The following MAML2 variants were observed in gnomAD, a reference collection of about 807,000 sequenced individuals.
MAML2 encodes the protein mastermind like transcriptional coactivator 2, also known as mastermind-like protein 2.
A neutral mutation model predicts 96.1 loss-of-function variants in MAML2; 22 were observed. The observed-to-expected ratio is 0.23, with a 90% CI of 0.16 to 0.33. The LOEUF (loss-of-function observed/expected upper bound fraction) is 0.33. Among genes scored for constraint, MAML2 ranks in the 10% least tolerant of loss-of-function variants. MAML2 has a pLI of 1.00. For missense variants in MAML2, 1,367 were observed against 1,392.4 expected, an observed-to-expected ratio of 0.98 and a Z score of 0.29; for synonymous variants, 561 against 521.3, an observed-to-expected ratio of 1.08 and a Z score of -1.04.
chr11:96,167,709 T>G (rs1861216018), intron 1 of MAML2, among the ~76,000 whole-genome samples: 1 of 152,358 alleles, frequency 6.6e-6, no homozygotes, highest in South Asian at 2.1e-4. Context: ...CCAGCTGCAA[T>G]GAATCATCTC....
intron 1 of MAML2, among the ~76,000 whole-genome samples, chr11:96,285,680 C>A (rs1863128871): frequency 6.6e-6 from 1 of 152,060 alleles, no homozygotes; most frequent in Non-Finnish European, 1.5e-5. Flanking sequence ...AACAGACACT[C>A]CTCAGATGAA....
At chr11:96,216,038 TAA>T (rs71459795) in intron 1 of MAML2, among the ~76,000 whole-genome samples, 21 of 150,070 alleles carry the variant, frequency 1.4e-4, no homozygotes, top group African/African-American at 4.4e-4. Context: ...TCAATTTGCT[TAA>T]AAAAAAAATA....
intron 1 of MAML2, among the ~76,000 whole-genome samples, chr11:96,251,619 G>A (rs920945351): frequency 3.9e-5 from 6 of 152,080 alleles, no homozygotes; most frequent in Admixed American, 6.6e-5. Flanking sequence ...GGAATAATAA[G>A]CAGTGATTAT....
intron 1 of MAML2, among the ~76,000 whole-genome samples, chr11:96,168,030 C>G (rs1244648654): frequency 6.6e-6 from 1 of 152,190 alleles, no homozygotes; most frequent in Non-Finnish European, 1.5e-5. Flanking sequence ...AAGTCTTATT[C>G]CTCTCCAGCT....
intron 2 of MAML2, among the ~76,000 whole-genome samples, chr11:96,056,673 A>G (rs1193262739): frequency 1.3e-5 from 2 of 152,226 alleles, no homozygotes; most frequent in African/African-American, 4.8e-5. Flanking sequence ...TACAGTATCA[A>G]TAAAATGTAC....
chr11:96,104,623 G>A (rs1306965301), intron 1 of MAML2, among the ~76,000 whole-genome samples: 3 of 152,128 alleles, frequency 2.0e-5, no homozygotes, highest in Non-Finnish European at 4.4e-5. Flanking sequence ...ATCCAGAACT[G>A]AAACAAGGTC....
At chr11:96,155,314 A>G (rs1023636754) in intron 1 of MAML2, among the ~76,000 whole-genome samples, 6 of 151,728 alleles carry the variant, frequency 4.0e-5, no homozygotes, top group Non-Finnish European at 7.4e-5. Context: ...TGAGATTCCC[A>G]TAAAGGAAGT....
At chr11:96,129,575 G>A (rs1860511030) in intron 1 of MAML2, among the ~76,000 whole-genome samples, 2 of 152,014 alleles carry the variant, frequency 1.3e-5, no homozygotes, top group East Asian at 3.9e-4. Context: ...GGAGGGGTGG[G>A]TAGTGGGACA....
At chr11:96,007,931 A>T (rs1858210265) in intron 2 of MAML2, among the ~76,000 whole-genome samples, 1 of 150,214 alleles carries the variant, frequency 6.7e-6, no homozygotes, top group African/African-American at 2.5e-5. Flanking sequence ...ATGCTAGATG[A>T]CGAGTTAGTG....
intron 1 of MAML2, among the ~76,000 whole-genome samples, chr11:96,332,167 C>T (rs1408693256): frequency 6.6e-6 from 1 of 152,096 alleles, no homozygotes; most frequent in Non-Finnish European, 1.5e-5. Context: ...AGCATTGTAC[C>T]AAGGATTAAA....
At chr11:96,156,867 A>G (rs1861018675) in intron 1 of MAML2, among the ~76,000 whole-genome samples, 1 of 152,224 alleles carries the variant, frequency 6.6e-6, no homozygotes. Context: ...TAGTATTATG[A>G]AGCAATAAAA....
intron 2 of MAML2, among the ~76,000 whole-genome samples, chr11:96,071,826 G>A (rs995263976): frequency 4.6e-5 from 7 of 152,070 alleles, no homozygotes; most frequent in Admixed American, 1.3e-4. Flanking sequence ...AACATAGAGG[G>A]ATACATTAAA....
At chr11:96,173,553 C>T (rs1043111778) in intron 1 of MAML2, among the ~76,000 whole-genome samples, 2 of 152,148 alleles carry the variant, frequency 1.3e-5, no homozygotes, top group Non-Finnish European at 2.9e-5. Flanking sequence ...CTTTATGGGT[C>T]ATCCACCTCT....
chr11:96,209,529 T>G (rs1011283413), intron 1 of MAML2, among the ~76,000 whole-genome samples: 29 of 152,110 alleles, frequency 1.9e-4, no homozygotes, highest in African/African-American at 5.8e-4. Flanking sequence ...GAGCGGAGAT[T>G]GGCGCCACTG....
intron 3 of MAML2, among the ~76,000 whole-genome samples, chr11:95,988,680 G>C (rs1482145319): frequency 6.6e-6 from 1 of 151,174 alleles, no homozygotes; most frequent in Non-Finnish European, 1.5e-5. Flanking sequence ...CTTGCATATG[G>C]ACATAACACA....
At chr11:96,106,980 C>CTTTTTTTTCTT (rs1860033457) in intron 1 of MAML2, among the ~76,000 whole-genome samples, 1 of 90,298 alleles carries the variant, frequency 1.1e-5, no homozygotes, top group African/African-American at 4.1e-5. Context: ...GAAAAGAGTC[C>CTTTTTTTTCTT]TTTTTTTTTT....
chr11:96,263,485 A>G lies in MAML2; in HGVS notation c.513+77898T>C, dbSNP rs368069962. Among the ~76,000 whole-genome samples the G allele has an allele frequency of 3.9e-5, 6 of 152,256 alleles. No homozygotes were observed. The East Asian group carries it at 5.8e-4, about 15-fold the overall frequency. ...TTTCTCAATCAGAAAATGTTCATGT[A>G]TCTTACAAAATTTTAAACTACTGAT... On this transcript the variant is annotated intron_variant, in intron 1 of 4. Transcript: ENST00000524717.
At chr11:96,120,589 T>C (rs1860321282) in intron 1 of MAML2, among the ~76,000 whole-genome samples, 1 of 152,214 alleles carries the variant, frequency 6.6e-6, no homozygotes, top group Non-Finnish European at 1.5e-5. Context: ...CTAATTGCTT[T>C]TGGATAATTA....
chr11:96,279,993 A>G (rs74663383), intron 1 of MAML2, among the ~76,000 whole-genome samples: 6,484 of 152,316 alleles, frequency 0.043, 138 homozygotes, highest in South Asian at 0.063. Context: ...GCTTTACCAC[A>G]GGGTCAATTC....
Sources: gnomAD v4.1 joint callset for allele counts (sites outside exome capture counted in the v4.1 genomes callset) on GRCh38, gnomAD v4.1.1 for gene constraint, MANE v1.5 for transcripts, NCBI Gene and HGNC (gene_info 2026-07-23, HGNC 2026-07-21) for gene names.